The following CFDP1 variants were observed in gnomAD, a reference collection of about 807,000 sequenced individuals.
The protein encoded by CFDP1 is heterochromatin-stabilizing protein CFDP1.
In CFDP1, 31 loss-of-function variants were observed where a neutral mutation model predicts 40.1. The observed-to-expected ratio is 0.77, with a 90% CI of 0.58 to 1.04. CFDP1 has a LOEUF of 1.04. Ranked by LOEUF, CFDP1 falls within the 50% of genes least tolerant of loss-of-function variation. CFDP1 has a pLI of 0.00. For synonymous variants in CFDP1, 167 were observed against 120.0 expected, an observed-to-expected ratio of 1.39 and a Z score of -2.56; for missense variants, 423 against 343.4, an observed-to-expected ratio of 1.23 and a Z score of -1.83.
In CFDP1 at chr16:75,313,951, C is replaced by T. The variant is rs192362090; in HGVS notation, c.651-8769G>A. ...CCAAGCTACAGTGCAGTGGTGCAAT[C>T]TTGGCTCACCGCAACCTCCGCCGCC... On this transcript the variant is annotated intron_variant, in intron 5 of 6. Coordinates refer to ENST00000283882, the MANE Select transcript of CFDP1 (RefSeq NM_006324.3). Among the ~76,000 whole-genome samples the T allele has an allele frequency of 1.5e-3, 225 of 152,236 alleles. 2 individuals carry two copies. Among genetic ancestry groups the T allele is most frequent in the African/African-American group, 4.9e-3 (205 of 41,536 alleles).
chr16:75,350,082 G>T (rs892512430), intron 5 of CFDP1, among the ~76,000 whole-genome samples: 1 of 151,944 alleles, frequency 6.6e-6, no homozygotes, highest in Admixed American at 6.6e-5. Flanking sequence ...AGTGTACTCT[G>T]TTCTTTTTTA....
chr16:75,296,043 A>C (rs1396343280), intron 6 of CFDP1, among the ~76,000 whole-genome samples: 1 of 152,172 alleles, frequency 6.6e-6, no homozygotes, highest in African/African-American at 2.4e-5. Context: ...ACAGCACTGC[A>C]CTTTAACTGT....
chr16:75,408,131 A>AGAGG (rs1050316266), intron 4 of CFDP1, among the ~76,000 whole-genome samples: 1 of 137,910 alleles, frequency 7.3e-6, no homozygotes, highest in Non-Finnish European at 1.6e-5. Context: ...AGGAAGGGAG[A>AGAGG]GAGGGAGGGA....
intron 2 of CFDP1, among the ~76,000 whole-genome samples, chr16:75,413,335 A>G (rs4888414): frequency 0.52 from 78,754 of 151,890 alleles, 21,484 homozygotes; most frequent in Admixed American, 0.64. Context: ...CTGGGAGGCC[A>G]AGGCCCACAC....
intron 5 of CFDP1, among the ~76,000 whole-genome samples, chr16:75,377,327 G>A (rs1473333547): frequency 1.3e-5 from 2 of 152,202 alleles, no homozygotes; most frequent in Non-Finnish European, 2.9e-5. Flanking sequence ...AGAAAATATT[G>A]AAGTGTGGAG....
intron 5 of CFDP1, among the ~76,000 whole-genome samples, chr16:75,386,673 C>T (rs927226409): frequency 2.0e-5 from 3 of 152,104 alleles, no homozygotes; most frequent in Admixed American, 6.5e-5. Flanking sequence ...TGCAGTGAGC[C>T]GAGATCCCGA....
chr16:75,433,178 G>GA lies in CFDP1; in HGVS notation c.64+110_64+111insT, dbSNP rs1555569560. On this transcript the variant is annotated intron_variant, in intron 1 of 6. Coordinates refer to ENST00000283882, the MANE Select transcript of CFDP1 (RefSeq NM_006324.3). ...AGGGAGCGGACGCTCGAGAACAGGA[G>GA]CCCCCCTGGACCACCTGGGCCACAG... 53 of 953,956 alleles carry GA rather than the reference G, an allele frequency of 5.6e-5. No individual in the cohort carries two copies. The Middle Eastern group carries it at 9.6e-4, about 17-fold the overall frequency. The allele number at this position is 953,956 out of a possible 1,614,324, so 59.1% of individuals were successfully genotyped here.
chr16:75,392,148 G>A (rs1430063104), intron 5 of CFDP1, among the ~76,000 whole-genome samples: 4 of 152,060 alleles, frequency 2.6e-5, no homozygotes, highest in Non-Finnish European at 5.9e-5. Context: ...GCTCATGCCT[G>A]TAATGCCAGC....
At chr16:75,384,526 T>G (rs2078876847) in intron 5 of CFDP1, among the ~76,000 whole-genome samples, 1 of 152,194 alleles carries the variant, frequency 6.6e-6, no homozygotes, top group Non-Finnish European at 1.5e-5. Flanking sequence ...TTCAAATTGC[T>G]TCTGCCTATT....
At chr16:75,345,718 C>A (rs143904495) in intron 5 of CFDP1, among the ~76,000 whole-genome samples, 2 of 152,256 alleles carry the variant, frequency 1.3e-5, no homozygotes, top group African/African-American at 4.8e-5. Context: ...ATGTTTTTTT[C>A]ATGCCATGAG....
At chr16:75,376,189 T>A (rs1029263104) in intron 5 of CFDP1, among the ~76,000 whole-genome samples, 1 of 152,200 alleles carries the variant, frequency 6.6e-6, no homozygotes, top group Non-Finnish European at 1.5e-5. Flanking sequence ...CCAGCCTGAG[T>A]GACAGAGCAA....
rs777611665 is a variant in CFDP1 at position 75,433,308 on chromosome 16, G to C, written c.45C>G (p.Asp15Glu). 17 of 1,601,018 alleles carry C rather than the reference G, an allele frequency of 1.1e-5. No homozygotes were observed. The highest frequency in any genetic ancestry group is 3.4e-5 in the Admixed American group (2 of 59,090). ...GCTCACCCGACGGCACGTAGTCCTC[G>C]TCCTCCTCCGACGTAGAGAAGTCTT... is the stretch of plus-strand genomic sequence containing the variant. Reference protein sequence around the residue: ...DSEDFSTSEEDEDYVPSGGEY... With the variant: ...DSEDFSTSEEEEDYVPSGGEY... The change falls in exon 1 of 7, where the codon GAC becomes GAG. Residue 15 changes from aspartate (D) to glutamate (E), a missense_variant. By Grantham distance (45) the Asp-to-Glu change is conservative. Transcript: ENST00000283882.
intron 4 of CFDP1, chr16:75,409,412 T>G (rs1227546283): frequency 6.6e-6 from 1 of 152,244 alleles, no homozygotes; most frequent in Admixed American, 6.5e-5. Flanking sequence ...GCTGTGGTGC[T>G]GCAGCCTGAG....
chr16:75,411,302 G>A (rs1301888449), intron 4 of CFDP1, among the ~76,000 whole-genome samples: 1 of 151,986 alleles, frequency 6.6e-6, no homozygotes, highest in African/African-American at 2.4e-5. Context: ...CTACTCGGGA[G>A]GCTGAAGTAG....
chr16:75,419,017 C>T (rs1405776804), intron 1 of CFDP1: 3 of 374,410 alleles, frequency 8.0e-6, no homozygotes, highest in East Asian at 8.0e-5. Context: ...GTGGCACGCA[C>T]CTGTAGTTCC....
chr16:75,397,357 A>T (rs1555563684), intron 4 of CFDP1, among the ~76,000 whole-genome samples: 2 of 151,356 alleles, frequency 1.3e-5, no homozygotes, highest in Non-Finnish European at 2.9e-5. Flanking sequence ...TCTACTAAAA[A>T]TACAAAAGTT....
intron 5 of CFDP1, among the ~76,000 whole-genome samples, chr16:75,310,323 C>T (rs1339138552): frequency 2.6e-5 from 4 of 152,102 alleles, no homozygotes; most frequent in African/African-American, 7.2e-5. Context: ...TTCAGTTATC[C>T]ATCAATCAGC....
At chr16:75,428,640 G>C (rs1360184768) in intron 1 of CFDP1, among the ~76,000 whole-genome samples, 1 of 139,600 alleles carries the variant, frequency 7.2e-6, no homozygotes, top group East Asian at 2.0e-4. Flanking sequence ...TAGAGAGAGA[G>C]AAAAAGAAGG....
At chr16:75,324,256 G>A (rs558283134) in intron 5 of CFDP1, among the ~76,000 whole-genome samples, 139 of 152,240 alleles carry the variant, frequency 9.1e-4, no homozygotes, top group African/African-American at 3.0e-3. Flanking sequence ...TGAAGGATGA[G>A]AAAGAATTTG....
Sources: allele counts gnomAD v4.1 joint callset (sites outside exome capture counted in the v4.1 genomes callset), GRCh38; gene constraint gnomAD v4.1.1; transcripts MANE v1.5; gene names NCBI Gene and HGNC (gene_info 2026-07-23, HGNC 2026-07-21).